Variants in EPHB2 observed in about 807,000 individuals in gnomAD.
EPHB2 encodes ephrin type-B receptor 2.
In EPHB2, 18 loss-of-function variants were observed where a neutral mutation model predicts 96.4. The ratio of observed to expected loss-of-function variants is 0.19; its 90% CI spans 0.13 to 0.28. EPHB2 has a LOEUF of 0.28. Among genes scored for constraint, EPHB2 ranks in the 10% least tolerant of loss-of-function variants. EPHB2 has a pLI of 1.00. For synonymous variants in EPHB2, 506 were observed against 534.1 expected (o/e 0.95, Z 0.72); for missense variants, 989 against 1,355.4 (o/e 0.73, Z 4.25).
In EPHB2 at chr1:22,785,059, A is replaced by G; in HGVS notation, c.794A>G (p.Asn265Ser). Residue 265 changes from asparagine to serine, a missense_variant, in exon 3 of 16, where the codon AAT becomes AGT. By Grantham distance (46) the Asn-to-Ser change is conservative. Transcript: ENST00000374630. ...MCKAGFEAVE[N>S]GTVCRGCPSG... ...AAAGCAGGCTTCGAGGCCGTTGAGA[A>G]TGGCACCGTCTGCCGAGGTAAGGGC... The G allele has an allele frequency of 6.2e-7, 1 of 1,613,564 alleles. No individual in the cohort carries two copies. Among genetic ancestry groups the G allele is most frequent in the Non-Finnish European group, 8.5e-7 (1 of 1,180,044 alleles).
chr1:22,748,609 T>G (rs989647718), intron 1 of EPHB2, among the ~76,000 whole-genome samples: 3 of 151,666 alleles, frequency 2.0e-5, no homozygotes, highest in African/African-American at 7.3e-5. Context: ...CTCGAACTCC[T>G]GACCTCATGA....
intron 1 of EPHB2, among the ~76,000 whole-genome samples, chr1:22,761,697 G>T (rs1644238464): frequency 6.6e-6 from 1 of 152,136 alleles, no homozygotes; most frequent in Non-Finnish European, 1.5e-5. Flanking sequence ...TCTCTCCCTG[G>T]CAACCCTTCC....
intron 1 of EPHB2, among the ~76,000 whole-genome samples, chr1:22,751,422 G>A (rs954986967): frequency 6.6e-6 from 1 of 152,216 alleles, no homozygotes; most frequent in African/African-American, 2.4e-5. Context: ...GCAGATCTGA[G>A]CCCCAAGGCC....
intron 7 of EPHB2, 141 bp from the exon 8 acceptor site, chr1:22,895,331 G>T (rs1056201307): frequency 2.7e-6 from 2 of 749,810 alleles, no homozygotes; most frequent in Admixed American, 4.0e-5. Context: ...TTCTGCATGG[G>T]CATGTAACAG....
At chr1:22,764,266 G>T (rs951383215) in intron 1 of EPHB2, among the ~76,000 whole-genome samples, 1 of 152,188 alleles carries the variant, frequency 6.6e-6, no homozygotes, top group Non-Finnish European at 1.5e-5. Flanking sequence ...TAATTTGAGT[G>T]ATAATGACCA....
intron 3 of EPHB2, among the ~76,000 whole-genome samples, chr1:22,787,554 A>G (rs867128483): frequency 3.9e-5 from 6 of 152,180 alleles, no homozygotes; most frequent in Admixed American, 2.0e-4. Flanking sequence ...GTTTCAGACC[A>G]ACCTGGGCAA....
chr1:22,747,348 A>G (rs1643990413), intron 1 of EPHB2, among the ~76,000 whole-genome samples: 1 of 152,228 alleles, frequency 6.6e-6, no homozygotes, highest in African/African-American at 2.4e-5. Context: ...ACGGAGTTAT[A>G]TTACTTAATC....
At chr1:22,755,709 C>T (rs761229671) in intron 1 of EPHB2, among the ~76,000 whole-genome samples, 5 of 152,118 alleles carry the variant, frequency 3.3e-5, no homozygotes, top group East Asian at 1.9e-4. Flanking sequence ...GGGACTAATA[C>T]GGTGCCTATG....
intron 3 of EPHB2, among the ~76,000 whole-genome samples, chr1:22,806,930 G>C (rs1242773304): frequency 1.3e-5 from 2 of 151,570 alleles, no homozygotes; most frequent in Non-Finnish European, 2.9e-5. Context: ...GAGACACACA[G>C]AGGTGCCTTT....
intron 3 of EPHB2, among the ~76,000 whole-genome samples, chr1:22,793,018 G>A (rs1644717180): frequency 6.6e-6 from 1 of 152,182 alleles, no homozygotes; most frequent in Admixed American, 6.5e-5. Context: ...TGAGGAGGAG[G>A]TGGAAAGGCC....
At chr1:22,859,854 C>T (rs1645765308) in intron 3 of EPHB2, among the ~76,000 whole-genome samples, 1 of 152,104 alleles carries the variant, frequency 6.6e-6, no homozygotes, top group African/African-American at 2.4e-5. Context: ...ATTGTGCAAC[C>T]ATCACCACAA....
At chr1:22,845,414 G>A (rs958007438) in intron 3 of EPHB2, among the ~76,000 whole-genome samples, 3 of 152,166 alleles carry the variant, frequency 2.0e-5, no homozygotes, top group African/African-American at 7.2e-5. Flanking sequence ...TTCCCATGAG[G>A]TCAGAGAAAA....
At position 22,880,067 on chromosome 1, in the gene EPHB2, T is replaced by C. The variant is rs145997061; in HGVS notation, c.1304-2292T>C. On this transcript the variant is annotated intron_variant, in intron 5 of 15. Coordinates refer to ENST00000374630, the MANE Select transcript of EPHB2 (RefSeq NM_017449.5). ...CAGGCTCATTCTCGGTGTCAAGGGC[T>C]GCAGAGGAAGGACTGGCAGGGAACA... is the stretch of plus-strand genomic sequence containing the variant. 3.7e-3 allele frequency among the ~76,000 whole-genome samples: 566 copies of C among 151,588 alleles called. 3 individuals carry two copies. The highest frequency in any genetic ancestry group is 0.024 in the Middle Eastern group (7 of 294).
At chr1:22,834,411 G>A (rs1465205169) in intron 3 of EPHB2, among the ~76,000 whole-genome samples, 4 of 152,090 alleles carry the variant, frequency 2.6e-5, no homozygotes, top group Admixed American at 1.3e-4. Flanking sequence ...GACTTCGGAC[G>A]ATTAAAATAC....
chr1:22,802,804 C>T (rs938476941), intron 3 of EPHB2, among the ~76,000 whole-genome samples: 1 of 152,202 alleles, frequency 6.6e-6, no homozygotes, highest in Non-Finnish European at 1.5e-5. Flanking sequence ...TCTCAGCTCA[C>T]GGACCAGCAA....
intron 5 of EPHB2, among the ~76,000 whole-genome samples, chr1:22,867,012 C>G (rs949261495): frequency 2.0e-5 from 3 of 152,192 alleles, no homozygotes; most frequent in Admixed American, 1.3e-4. Flanking sequence ...TCACTGCATC[C>G]TTGTGGCCTC....
At chr1:22,879,193 C>T (rs748689987) in intron 5 of EPHB2, among the ~76,000 whole-genome samples, 64 of 86,804 alleles carry the variant, frequency 7.4e-4, no homozygotes, top group Admixed American at 6.2e-4. Flanking sequence ...AGCACCCTGT[C>T]GCACCCCCAC....
intron 5 of EPHB2, among the ~76,000 whole-genome samples, chr1:22,879,218 C>CAG (rs1411411109): frequency 2.0e-5 from 3 of 151,366 alleles, no homozygotes; most frequent in Non-Finnish European, 4.4e-5. Flanking sequence ...ACCACACACA[C>CAG]AGACCCAGTG....
chr1:22,888,468 T>G (rs1442418301), intron 6 of EPHB2, among the ~76,000 whole-genome samples: 1 of 152,242 alleles, frequency 6.6e-6, no homozygotes, highest in Non-Finnish European at 1.5e-5. Flanking sequence ...CCACCTTTTA[T>G]GGTACCTACT....
Sources: gnomAD v4.1 joint callset for allele counts (sites outside exome capture counted in the v4.1 genomes callset) on GRCh38, gnomAD v4.1.1 for gene constraint, MANE v1.5 for transcripts, NCBI Gene and HGNC (gene_info 2026-07-23, HGNC 2026-07-21) for gene names.